RNLS: variants seen among roughly 807,000 people sequenced by gnomAD.
RNLS encodes the protein renalase.
A neutral mutation model predicts 39.8 loss-of-function variants in RNLS; 39 were observed. The ratio of observed to expected loss-of-function variants is 0.98; its 90% CI spans 0.76 to 1.28. The LOEUF is 1.28. Among genes scored for constraint, RNLS ranks in the 50% most tolerant of loss-of-function variants. The pLI is 0.00. For synonymous variants in RNLS, 147 were observed against 150.7 expected (o/e 0.98, Z 0.18); for missense variants, 410 against 413.3 (o/e 0.99, Z 0.07).
At chr10:88,527,254 C>T (rs1847161177) in intron 4 of RNLS, among the ~76,000 whole-genome samples, 2 of 152,182 alleles carry the variant, frequency 1.3e-5, no homozygotes, top group Admixed American at 6.6e-5. Flanking sequence ...CAACCTTCCC[C>T]ATCCCCAGGC....
At chr10:88,334,631 T>C (rs1209902767) in intron 5 of RNLS, among the ~76,000 whole-genome samples, 1 of 152,206 alleles carries the variant, frequency 6.6e-6, no homozygotes, top group African/African-American at 2.4e-5. Context: ...ATTTATCACA[T>C]TGTATTTTCA....
chr10:88,544,774 T>C (rs1395234336), intron 4 of RNLS, among the ~76,000 whole-genome samples: 1 of 152,184 alleles, frequency 6.6e-6, no homozygotes, highest in Non-Finnish European at 1.5e-5. Context: ...TAAATGTATT[T>C]AGATGAACAC....
At chr10:88,567,019 GAAAAT>G (rs957567938) in intron 4 of RNLS, among the ~76,000 whole-genome samples, 3 of 151,764 alleles carry the variant, frequency 2.0e-5, no homozygotes, top group Non-Finnish European at 4.4e-5. Flanking sequence ...CCAGAAAAAA[GAAAAT>G]AAAAGAGAGA....
chr10:88,360,074 T>C (rs1347143989), intron 5 of RNLS, among the ~76,000 whole-genome samples: 6 of 152,258 alleles, frequency 3.9e-5, no homozygotes, highest in East Asian at 1.9e-4. Flanking sequence ...TTGAAGGTAA[T>C]TTTGAATGTA....
the RNLS span, among the ~76,000 whole-genome samples, chr10:88,244,729 A>G: frequency 6.6e-6 from 1 of 151,542 alleles, no homozygotes; most frequent in Non-Finnish European, 1.5e-5. Context: ...AAAGAAGGAC[A>G]CACTGTGTAA....
chr10:88,436,038 G>A (rs1045812764), intron 4 of RNLS, among the ~76,000 whole-genome samples: 13 of 152,168 alleles, frequency 8.5e-5, no homozygotes, highest in African/African-American at 2.9e-4. Flanking sequence ...AGCCAGGGAA[G>A]TGGGATGAGA....
the RNLS span, among the ~76,000 whole-genome samples, chr10:88,255,082 C>T: frequency 7.2e-5 from 11 of 152,318 alleles, no homozygotes; most frequent in South Asian, 2.1e-4. Context: ...TTTGGTACCT[C>T]GGATGGGCCT....
In RNLS at chr10:88,514,665, A is replaced by G. The variant is rs576443540; in HGVS notation, c.526+58238T>C. ...CCTCATATAAGTGGAATCATGTAGT[A>G]TATGTCCTTTTATGGCATGCTTATT... On this transcript the variant is annotated intron_variant, in intron 4 of 6. Transcript: ENST00000331772. Among the ~76,000 whole-genome samples the G allele has an allele frequency of 3.9e-5, 6 of 152,176 alleles. No individual in the cohort carries two copies. In the South Asian group the frequency reaches 8.3e-4, roughly 21 times the overall value.
rs1480926974 is a variant in RNLS at position 88,520,920 on chromosome 10, A to G, written c.526+51983T>C. 3.3e-5 allele frequency among the ~76,000 whole-genome samples: 5 copies of G among 151,974 alleles called. No individual in the cohort carries two copies. The East Asian group carries it at 9.7e-4, about 29-fold the overall frequency. ...CTGCCTCCCTCTCTCTCCAACCATC[A>G]AAGTCTTGGCTGGGCTTCTCGTTCT... On this transcript the variant is annotated intron_variant, in intron 4 of 6. Transcript: ENST00000331772.
chr10:88,318,186 T>C (rs1294614005), intron 5 of RNLS, among the ~76,000 whole-genome samples: 1 of 152,138 alleles, frequency 6.6e-6, no homozygotes, highest in African/African-American at 2.4e-5. Flanking sequence ...CCCACAAACA[T>C]ACCCCACAAC....
the RNLS span, among the ~76,000 whole-genome samples, chr10:88,230,380 T>C: frequency 6.6e-6 from 1 of 152,188 alleles, no homozygotes; most frequent in Non-Finnish European, 1.5e-5. Flanking sequence ...TTGATCTCCA[T>C]GGTTTCTTCT....
chr10:88,348,938 G>T (rs180740282), intron 5 of RNLS, among the ~76,000 whole-genome samples: 176 of 152,142 alleles, frequency 1.2e-3, no homozygotes, highest in Middle Eastern at 3.4e-3. Context: ...ATATTCATGA[G>T]AACTCTTACT....
chr10:88,177,491 T>A, the RNLS span, among the ~76,000 whole-genome samples: 3 of 152,242 alleles, frequency 2.0e-5, no homozygotes, highest in African/African-American at 4.8e-5. Context: ...ATTGTTTTCC[T>A]GATTGGGTTG....
chr10:88,583,236 G>C lies in RNLS; in HGVS notation c.-46C>G, dbSNP rs1850767081. 1 of 1,606,350 alleles carries C rather than the reference G, an allele frequency of 6.2e-7. No individual in the cohort carries two copies. Among genetic ancestry groups the C allele is most frequent in the Non-Finnish European group, 8.5e-7 (1 of 1,177,450 alleles). ...CGCGCTGAGTCTCTGCGGCGGGGCC[G>C]TTCGGCCCGGGCTTTCTGGAAAGGC... On this transcript the variant is annotated 5_prime_UTR_variant, in exon 1 of 7. Transcript: ENST00000331772.
intron 4 of RNLS, among the ~76,000 whole-genome samples, chr10:88,419,840 A>G (rs895945338): frequency 6.6e-6 from 1 of 150,688 alleles, no homozygotes; most frequent in South Asian, 2.2e-4. Context: ...CCCTGTCTCT[A>G]CTAAAAAAAA....
chr10:88,573,171 T>G lies in RNLS; in HGVS notation c.368-110A>C, dbSNP rs41317024. On this transcript the variant is annotated intron_variant, in intron 3 of 6. Coordinates refer to ENST00000331772, the MANE Select transcript of RNLS (RefSeq NM_001031709.3). ...TTCAAGTGAACAAAATGGCCAAGACTGTCTTCTACTGTCCTCCAGCTCTCT... is the reference window on the plus strand; with the variant it reads ...TTCAAGTGAACAAAATGGCCAAGACGGTCTTCTACTGTCCTCCAGCTCTCT... 0.039 allele frequency: 35,112 copies of G among 903,194 alleles called. 858 individuals carry two copies. Among genetic ancestry groups the G allele is most frequent in the Non-Finnish European group, 0.051 (30,222 of 596,802 alleles). 55.9% of individuals were successfully genotyped at this position (903,194 alleles called of 1,614,324 possible).
intron 4 of RNLS, among the ~76,000 whole-genome samples, chr10:88,393,109 G>A (rs917432820): frequency 2.0e-5 from 3 of 152,170 alleles, no homozygotes; most frequent in Non-Finnish European, 2.9e-5. Flanking sequence ...AAAACTGGAA[G>A]CAGTCCCTTT....
intron 3 of RNLS, among the ~76,000 whole-genome samples, chr10:88,578,391 T>C (rs148760210): frequency 0.011 from 1,719 of 152,216 alleles, 34 homozygotes; most frequent in African/African-American, 0.038. Context: ...TAGCTTATAG[T>C]GTGGAAAAAC....
intron 6 of RNLS, among the ~76,000 whole-genome samples, chr10:88,287,088 T>C (rs1390955656): frequency 1.3e-5 from 2 of 152,140 alleles, no homozygotes; most frequent in East Asian, 3.8e-4. Context: ...CATGCCTGGC[T>C]TACAGAGCCT....
Sources: gnomAD v4.1 joint callset for allele counts (sites outside exome capture counted in the v4.1 genomes callset) on GRCh38, gnomAD v4.1.1 for gene constraint, MANE v1.5 for transcripts, NCBI Gene and HGNC (gene_info 2026-07-23, HGNC 2026-07-21) for gene names.